PTGIS: variants seen among roughly 807,000 people sequenced by gnomAD.
PTGIS encodes the protein prostaglandin I2 synthase, also known as prostacyclin synthase.
In PTGIS, 45 loss-of-function variants were observed where a neutral mutation model predicts 50.3. That is an observed-to-expected ratio of 0.90 (90% CI 0.70 to 1.15). PTGIS has a LOEUF of 1.15. Ranked by LOEUF, PTGIS falls within the 50% of genes most tolerant of loss-of-function variation. PTGIS has a pLI of 0.00. For synonymous variants in PTGIS, 260 were observed against 267.7 expected, an observed-to-expected ratio of 0.97 and a Z score of 0.28; for missense variants, 668 against 661.3, an observed-to-expected ratio of 1.01 and a Z score of -0.11.
chr20:49,550,256 A>G, intron 1 of PTGIS, 67 bp from the exon 2 acceptor site: 3 of 1,589,946 alleles, frequency 1.9e-6, no homozygotes, highest in Non-Finnish European at 2.6e-6. Context: ...TGTAGGTTGC[A>G]GAGTGTGATT....
intron 5 of PTGIS, among the ~76,000 whole-genome samples, chr20:49,538,662 C>CATTTATTTATTT (rs373597100): frequency 2.0e-5 from 3 of 148,316 alleles, no homozygotes; most frequent in East Asian, 2.0e-4. Context: ...CTTCTCAGTG[C>CATTTATTTATTT]ATTTATTTAT....
At chr20:49,530,248 C>A (rs1038037788) in intron 5 of PTGIS, among the ~76,000 whole-genome samples, 4 of 152,024 alleles carry the variant, frequency 2.6e-5, no homozygotes, top group Admixed American at 2.0e-4. Context: ...TGGTTCCTGA[C>A]ATCCACTGGG....
chr20:49,546,568 C>T (rs752229823), intron 3 of PTGIS, among the ~76,000 whole-genome samples: 4 of 152,160 alleles, frequency 2.6e-5, no homozygotes, highest in Non-Finnish European at 2.9e-5. Flanking sequence ...TCTGCAGGGG[C>T]GGACACAGGG....
At chr20:49,541,839 C>G (rs1263888656) in intron 4 of PTGIS, among the ~76,000 whole-genome samples, 1 of 152,172 alleles carries the variant, frequency 6.6e-6, no homozygotes, top group Non-Finnish European at 1.5e-5. Context: ...AGCTCCATAT[C>G]AAAAGAGCAC....
At chr20:49,563,961 G>A (rs1304231564) in intron 1 of PTGIS, among the ~76,000 whole-genome samples, 1 of 152,146 alleles carries the variant, frequency 6.6e-6, no homozygotes, top group Non-Finnish European at 1.5e-5. Context: ...GAGCCACCTC[G>A]AAGTACAGAT....
chr20:49,559,008 G>A (rs1254402763), intron 1 of PTGIS, among the ~76,000 whole-genome samples: 2 of 151,992 alleles, frequency 1.3e-5, no homozygotes, highest in Non-Finnish European at 2.9e-5. Context: ...CCACCATGCT[G>A]GGCCAGGAAG....
At chr20:49,516,355 G>A (rs1312613041) in intron 6 of PTGIS, among the ~76,000 whole-genome samples, 1 of 152,126 alleles carries the variant, frequency 6.6e-6, no homozygotes, top group African/African-American at 2.4e-5. Flanking sequence ...GTGGCTCACT[G>A]CAACCTCCAC....
chr20:49,537,066 C>G (rs1055029496), intron 5 of PTGIS, among the ~76,000 whole-genome samples: 4 of 152,214 alleles, frequency 2.6e-5, no homozygotes, highest in African/African-American at 9.7e-5. Flanking sequence ...CAGGCCTCTG[C>G]TGCAAGTCTC....
chr20:49,555,797 T>C (rs922648493), intron 1 of PTGIS, among the ~76,000 whole-genome samples: 1 of 152,232 alleles, frequency 6.6e-6, no homozygotes. Flanking sequence ...GTTTGATCTT[T>C]TTATAGGTGA....
intron 2 of PTGIS, among the ~76,000 whole-genome samples, chr20:49,549,382 A>G (rs1400624506): frequency 6.6e-6 from 1 of 152,238 alleles, no homozygotes; most frequent in Non-Finnish European, 1.5e-5. Context: ...ATTTTTAGGG[A>G]AGAATTACAA....
intron 4 of PTGIS, among the ~76,000 whole-genome samples, chr20:49,541,288 G>A (rs1982219903): frequency 6.6e-6 from 1 of 151,862 alleles, no homozygotes. Context: ...AGGCCACTGC[G>A]GTACTCCCAA....
At chr20:49,518,747 T>C (rs1981564545) in intron 6 of PTGIS, among the ~76,000 whole-genome samples, 1 of 152,034 alleles carries the variant, frequency 6.6e-6, no homozygotes, top group Non-Finnish European at 1.5e-5. Context: ...ACATAACTAG[T>C]TTAGTGGCAG....
chr20:49,512,907 T>C (rs1283932397), intron 8 of PTGIS, among the ~76,000 whole-genome samples, 173 bp downstream of exon 8: 1 of 152,124 alleles, frequency 6.6e-6, no homozygotes, highest in Non-Finnish European at 1.5e-5. Context: ...GCAGGTGCTA[T>C]TATGAGGTCC....
chr20:49,524,021 C>T (rs1348473528), intron 6 of PTGIS, 37 bp downstream of exon 6: 2 of 1,612,402 alleles, frequency 1.2e-6, no homozygotes, highest in Admixed American at 3.3e-5. Flanking sequence ...ACCACACATG[C>T]ACACCTGCAC....
Position 49,547,958 on chromosome 20 carries a change from A to G in PTGIS, c.260T>C (p.Val87Ala). 1.2e-6 allele frequency: 2 copies of G among 1,614,106 alleles called. No individual in the cohort carries two copies. Among genetic ancestry groups the G allele is most frequent in the Non-Finnish European group, 1.7e-6 (2 of 1,180,004 alleles). Residue 87 changes from valine to alanine, a missense_variant, in exon 3 of 10, where the codon GTG (valine) becomes GCG (alanine). Val to Ala is a moderately conservative substitution (Grantham distance 64). Transcript: ENST00000244043. ...GTCGAGCCTGGTGCGAGGCTCCCAC[A>G]CCACCGCGTCGTAGGAGTGTGGGTC... The part of the protein sequence containing the change: ...LLDPHSYDAV[V>A]WEPRTRLDFH...
intron 9 of PTGIS, 61 bp downstream of exon 9, chr20:49,510,967 A>C: frequency 6.5e-7 from 1 of 1,539,064 alleles, no homozygotes; most frequent in Non-Finnish European, 9.0e-7. Flanking sequence ...CCAGGAGAGA[A>C]GGGCGCCTGC....
At chr20:49,541,533 A>G (rs940120465) in intron 4 of PTGIS, among the ~76,000 whole-genome samples, 1 of 152,120 alleles carries the variant, frequency 6.6e-6, no homozygotes. Context: ...GGAGTTCGAG[A>G]CCAGCTTGGC....
At chr20:49,523,997 GC>G in intron 6 of PTGIS, 60 bp downstream of exon 6, 7 of 1,590,542 alleles carry the variant, frequency 4.4e-6, no homozygotes, top group Non-Finnish European at 5.2e-6. Flanking sequence ...ACACACACAT[GC>G]GTTCATATCG....
At chr20:49,547,801 C>T (rs751411196) in intron 3 of PTGIS, 40 bp downstream of exon 3, 5 of 1,608,710 alleles carry the variant, frequency 3.1e-6, no homozygotes, top group African/African-American at 1.3e-5. Context: ...ATGAGTCGCC[C>T]ACCCTGGCCC....
Sources: gnomAD v4.1 joint callset for allele counts (sites outside exome capture counted in the v4.1 genomes callset) on GRCh38, gnomAD v4.1.1 for gene constraint, MANE v1.5 for transcripts, NCBI Gene and HGNC (gene_info 2026-07-23, HGNC 2026-07-21) for gene names.